COL6A5: variants seen among roughly 807,000 people sequenced by gnomAD.
COL6A5 encodes the protein collagen alpha-5(VI) chain.
In COL6A5, 48 loss-of-function variants were observed where a neutral mutation model predicts 65.6. That is an observed-to-expected ratio of 0.73 (90% CI 0.58 to 0.93). The LOEUF is 0.93. Ranked by LOEUF, COL6A5 falls within the 40% of genes least tolerant of loss-of-function variation. The pLI is 0.00. For missense variants in COL6A5, 914 were observed against 928.3 expected, an observed-to-expected ratio of 0.98 and a Z score of 0.20; for synonymous variants, 291 against 322.8, an observed-to-expected ratio of 0.90 and a Z score of 1.05.
chr3:130,468,881 G>T (rs1214672482), exon 6 of COL6A5: 1 of 1,611,772 alleles, frequency 6.2e-7, no homozygotes, highest in Non-Finnish European at 8.5e-7. Context: ...CATGGATGTG[G>T]CTTTCCTCAT....
chr3:130,421,929 C>T lies in COL6A5; in HGVS notation c.5037+569C>T, dbSNP rs143158732. Among the ~76,000 whole-genome samples the T allele has an allele frequency of 1.8e-3, 280 of 152,126 alleles. 1 individual carries two copies. The highest frequency in any genetic ancestry group is 6.5e-3 in the African/African-American group (270 of 41,546). On this transcript the variant is annotated intron_variant and NMD_transcript_variant, in intron 27 of 41. Transcript: ENST00000312481. ...AACAGACATACCTTTCATCTCAACC[C>T]AAGTAGCTTAAGTTATGTCTGTTTT...
intron 20 of COL6A5, among the ~76,000 whole-genome samples, chr3:130,412,838 G>A (rs1025979153): frequency 6.6e-6 from 1 of 152,182 alleles, no homozygotes; most frequent in Non-Finnish European, 1.5e-5. Context: ...AAGGTGGGCA[G>A]TTGAAAGAAA....
chr3:130,480,076 A>G (rs1710197207), intron 7 of COL6A5, among the ~76,000 whole-genome samples: 1 of 152,088 alleles, frequency 6.6e-6, no homozygotes, highest in Non-Finnish European at 1.5e-5. Flanking sequence ...CATCGATGTA[A>G]ATAATATTTA....
At chr3:130,411,255 A>G (rs925180350) in intron 20 of COL6A5, among the ~76,000 whole-genome samples, 1 of 152,222 alleles carries the variant, frequency 6.6e-6, no homozygotes, top group Non-Finnish European at 1.5e-5. Flanking sequence ...AGTGATATTT[A>G]TAATGTATTA....
chr3:130,409,475 T>C, intron 18 of COL6A5, 87 bp downstream of exon 18: 5 of 1,116,862 alleles, frequency 4.5e-6, no homozygotes, highest in Non-Finnish European at 6.3e-6. Flanking sequence ...CTGCCTACCC[T>C]GTAGGCAAAT....
chr3:130,471,754 A>G, intron 7 of COL6A5: 1 of 1,534,794 alleles, frequency 6.5e-7, no homozygotes, highest in Non-Finnish European at 8.7e-7. Context: ...CCCAGGCACA[A>G]CATCTCCTTG....
intron 3 of COL6A5, among the ~76,000 whole-genome samples, chr3:130,441,092 A>G (rs984120374): frequency 3.3e-5 from 5 of 152,148 alleles, no homozygotes; most frequent in African/African-American, 1.2e-4. Context: ...TAGAGGTCGT[A>G]TGAATCACAT....
chr3:130,394,834 A>G (rs1936536270), intron 7 of COL6A5, 56 bp from the exon 8 acceptor site: 3 of 1,357,474 alleles, frequency 2.2e-6, no homozygotes, highest in Admixed American at 4.9e-5. Context: ...ATATGAGGAA[A>G]GGAAAAATTT....
intron 10 of COL6A5, among the ~76,000 whole-genome samples, chr3:130,399,761 A>C (rs1287546483): frequency 6.6e-6 from 1 of 151,304 alleles, no homozygotes; most frequent in East Asian, 2.0e-4. Flanking sequence ...ATATATATAT[A>C]TACTTTTTTA....
intron 1 of COL6A5, among the ~76,000 whole-genome samples, chr3:130,363,263 G>A (rs1935207355): frequency 6.6e-6 from 1 of 152,188 alleles, no homozygotes; most frequent in African/African-American, 2.4e-5. Context: ...CACAGGTAGT[G>A]CAAATAACTT....
At chr3:130,443,021 A>G (rs971033768) in intron 3 of COL6A5, among the ~76,000 whole-genome samples, 2 of 152,202 alleles carry the variant, frequency 1.3e-5, no homozygotes, top group African/African-American at 4.8e-5. Context: ...AATCTTGTCT[A>G]TGATTCTTTT....
chr3:130,358,960 A>G (rs560484894), intron 1 of COL6A5, among the ~76,000 whole-genome samples: 1 of 152,190 alleles, frequency 6.6e-6, no homozygotes, highest in Non-Finnish European at 1.5e-5. Context: ...AAACATTGAT[A>G]TAAAGAAGTA....
chr3:130,413,415 G>A, intron 20 of COL6A5, 130 bp from the exon 21 acceptor site: 1 of 801,802 alleles, frequency 1.2e-6, no homozygotes, highest in East Asian at 2.7e-5. Flanking sequence ...TATGGAAAAT[G>A]CCTCAGGGAA....
intron 20 of COL6A5, 111 bp downstream of exon 20, chr3:130,410,635 A>G: frequency 1.1e-6 from 1 of 887,756 alleles, no homozygotes. Context: ...AATATTTTTC[A>G]GGGCTTCTCC....
intron 4 of COL6A5, among the ~76,000 whole-genome samples, chr3:130,444,402 A>T (rs566260218): frequency 4.6e-5 from 7 of 152,242 alleles, no homozygotes; most frequent in African/African-American, 1.4e-4. Flanking sequence ...AATCTTCACA[A>T]TTTATGTTTA....
intron 5 of COL6A5, among the ~76,000 whole-genome samples, chr3:130,386,608 A>G (rs922006923): frequency 6.6e-6 from 1 of 152,056 alleles, no homozygotes; most frequent in African/African-American, 2.4e-5. Context: ...TGCAAGAATA[A>G]AAGATTCCCC....
chr3:130,439,735 C>G, intron 2 of COL6A5, 120 bp downstream of exon 34: 1 of 738,832 alleles, frequency 1.4e-6, no homozygotes, highest in South Asian at 1.7e-5. Flanking sequence ...TTTCAGTTTT[C>G]TAGTTTTTCA....
At position 130,349,413 on chromosome 3, in the gene COL6A5, T is replaced by C. The variant is rs1393184520; in HGVS notation, c.-29+3432T>C. On this transcript the variant is annotated intron_variant and NMD_transcript_variant, in intron 1 of 41. Coordinates refer to the COL6A5 transcript ENST00000312481. ...TGGGTATAATTATAGCTAACTTATA[T>C]AATTGAAGTGAGAATTAGAGATTAT... is the stretch of plus-strand genomic sequence containing the variant. 2.6e-5 allele frequency among the ~76,000 whole-genome samples: 4 copies of C among 152,226 alleles called. No individual in the cohort carries two copies. The East Asian group carries it at 7.7e-4, about 29-fold the overall frequency.
chr3:130,429,825 G>T (rs1170631876), upstream of COL6A5, among the ~76,000 whole-genome samples: 1 of 152,182 alleles, frequency 6.6e-6, no homozygotes, highest in African/African-American at 2.4e-5. Context: ...TTTCTCCCCA[G>T]TGCTGGCCCT....
Sources: allele counts gnomAD v4.1 joint callset (sites outside exome capture counted in the v4.1 genomes callset), GRCh38; gene constraint gnomAD v4.1.1; transcripts MANE v1.5; gene names NCBI Gene and HGNC (gene_info 2026-07-23, HGNC 2026-07-21).